MAP4K4: variants seen among roughly 807,000 people sequenced by gnomAD.
The protein encoded by MAP4K4 is HPK/GCK-like kinase HGK.
MAP4K4 carries 38 observed loss-of-function variants against 189.6 expected under a neutral mutation model. The observed-to-expected ratio is 0.20, with a 90% CI of 0.15 to 0.26. The LOEUF (loss-of-function observed/expected upper bound fraction) is 0.26. Among genes scored for constraint, MAP4K4 ranks in the 10% least tolerant of loss-of-function variants. The probability of loss-of-function intolerance (pLI) is 1.00; values close to 1 mark genes in which losing one functional copy is unlikely to be tolerated. For synonymous variants in MAP4K4, 610 were observed against 624.3 expected (o/e 0.98, Z 0.34); for missense variants, 1,054 against 1,726.9 (o/e 0.61, Z 6.91).
chr2:101,806,549 T>A (rs2149072961), intron 3 of MAP4K4, among the ~76,000 whole-genome samples: 1 of 152,196 alleles, frequency 6.6e-6, no homozygotes, highest in African/African-American at 2.4e-5. Flanking sequence ...CTTATTTTTA[T>A]ATATATTTTT....
chr2:101,866,491 C>T, exon 19 of MAP4K4: 1 of 1,613,722 alleles, frequency 6.2e-7, no homozygotes, highest in Non-Finnish European at 8.5e-7. Context: ...CTGGCAGTGG[C>T]AGCTCCTCAG....
chr2:101,825,496 C>A (rs1472728182), intron 5 of MAP4K4, 67 bp downstream of exon 5: 5 of 993,394 alleles, frequency 5.0e-6, no homozygotes, highest in African/African-American at 3.3e-5. Context: ...ATTTTCCCAG[C>A]CCCAAGTACT....
chr2:101,845,242 T>G (rs891380446), intron 12 of MAP4K4, among the ~76,000 whole-genome samples: 7 of 152,098 alleles, frequency 4.6e-5, no homozygotes, highest in African/African-American at 1.7e-4. Flanking sequence ...AGAAAACAAT[T>G]TGAACCTGGA....
chr2:101,795,413 T>C (rs2093584021), intron 3 of MAP4K4, among the ~76,000 whole-genome samples: 1 of 152,240 alleles, frequency 6.6e-6, no homozygotes, highest in African/African-American at 2.4e-5. Context: ...GATATTCCTG[T>C]GGACATGAGT....
chr2:101,733,978 A>C (rs961431626), intron 2 of MAP4K4, among the ~76,000 whole-genome samples: 1 of 152,102 alleles, frequency 6.6e-6, no homozygotes, highest in Admixed American at 6.6e-5. Flanking sequence ...GAAACTAGGG[A>C]CCTATCACAC....
chr2:101,781,806 C>T (rs931010644), intron 2 of MAP4K4, among the ~76,000 whole-genome samples: 5 of 152,176 alleles, frequency 3.3e-5, no homozygotes. Flanking sequence ...ATTATCTGCT[C>T]ATTTAAATTG....
chr2:101,815,625 T>C (rs1308030811), intron 3 of MAP4K4, among the ~76,000 whole-genome samples: 1 of 152,176 alleles, frequency 6.6e-6, no homozygotes, highest in Non-Finnish European at 1.5e-5. Context: ...GTACTGGATA[T>C]TTTATATTTT....
At chr2:101,804,098 A>T (rs943395907) in intron 3 of MAP4K4, among the ~76,000 whole-genome samples, 1 of 152,122 alleles carries the variant, frequency 6.6e-6, no homozygotes, top group Non-Finnish European at 1.5e-5. Context: ...TGGTGAATGA[A>T]CAGCCCGTCT....
chr2:101,730,306 G>A (rs904101269), intron 2 of MAP4K4, among the ~76,000 whole-genome samples: 5 of 152,148 alleles, frequency 3.3e-5, no homozygotes, highest in Non-Finnish European at 7.3e-5. Flanking sequence ...TGAGTCTGGG[G>A]TGGAGAAGTT....
At position 101,876,957 on chromosome 2, in the gene MAP4K4, G is replaced by T. The variant is rs376418515; in HGVS notation, c.3242-46G>T. ...TCCTTTCTATACAACCTGGGGATTT[G>T]CCAAGCACAGCATAAAATTGAGGCC... On this transcript the variant is annotated intron_variant, in intron 26 of 32. Transcript: ENST00000324219. 6.0e-5 allele frequency: 96 copies of T among 1,604,724 alleles called. No individual in the cohort carries two copies. In the South Asian group the frequency reaches 6.2e-4, roughly 10 times the overall value.
At chr2:101,729,460 T>C (rs2057419262) in intron 2 of MAP4K4, among the ~76,000 whole-genome samples, 2 of 152,228 alleles carry the variant, frequency 1.3e-5, no homozygotes. Context: ...TCTTGGGTGG[T>C]GGTTTTAACT....
chr2:101,844,961 G>A (rs1338678165), intron 12 of MAP4K4, among the ~76,000 whole-genome samples: 1 of 152,042 alleles, frequency 6.6e-6, no homozygotes, highest in Non-Finnish European at 1.5e-5. Context: ...ATAAGATTTG[G>A]ACATAGAGGC....
intron 2 of MAP4K4, among the ~76,000 whole-genome samples, chr2:101,721,212 T>C (rs765736165): frequency 1.7e-4 from 26 of 152,126 alleles, no homozygotes; most frequent in Non-Finnish European, 3.4e-4. Flanking sequence ...ATACAATACA[T>C]TGATACAGAG....
At chr2:101,700,263 G>A (rs545843078) in intron 2 of MAP4K4, among the ~76,000 whole-genome samples, 1 of 152,212 alleles carries the variant, frequency 6.6e-6, no homozygotes, top group Non-Finnish European at 1.5e-5. Context: ...TATGGTAAGA[G>A]TTTAGTCAGG....
intron 5 of MAP4K4, among the ~76,000 whole-genome samples, chr2:101,829,272 TG>T (rs1345179044): frequency 1.3e-5 from 2 of 152,170 alleles, no homozygotes; most frequent in Admixed American, 6.5e-5. Flanking sequence ...GTGATCACGT[TG>T]CTCACACGGG....
At chr2:101,726,076 A>G (rs1177937842) in intron 2 of MAP4K4, among the ~76,000 whole-genome samples, 1 of 152,244 alleles carries the variant, frequency 6.6e-6, no homozygotes, top group Non-Finnish European at 1.5e-5. Flanking sequence ...TATTGCTGCT[A>G]GAATGAATGT....
At chr2:101,741,624 A>G (rs1278344080) in intron 2 of MAP4K4, among the ~76,000 whole-genome samples, 2 of 152,006 alleles carry the variant, frequency 1.3e-5, no homozygotes, top group Non-Finnish European at 2.9e-5. Flanking sequence ...AATGTGGTAA[A>G]TATTGATATA....
intron 2 of MAP4K4, among the ~76,000 whole-genome samples, chr2:101,758,856 G>A (rs908725627): frequency 2.0e-5 from 3 of 152,098 alleles, no homozygotes; most frequent in Non-Finnish European, 4.4e-5. Context: ...GTTGCTGGCC[G>A]GGCGCGGTGG....
intron 2 of MAP4K4, among the ~76,000 whole-genome samples, chr2:101,769,338 G>A (rs1368169283): frequency 6.6e-6 from 1 of 152,130 alleles, no homozygotes; most frequent in Non-Finnish European, 1.5e-5. Flanking sequence ...TAAGGTCCCT[G>A]GCCTCCTGGT....
Sources: gnomAD v4.1 joint callset for allele counts (sites outside exome capture counted in the v4.1 genomes callset) on GRCh38, gnomAD v4.1.1 for gene constraint, MANE v1.5 for transcripts, NCBI Gene and HGNC (gene_info 2026-07-23, HGNC 2026-07-21) for gene names.